SHANK1: variants seen among roughly 807,000 people sequenced by gnomAD.
The protein encoded by SHANK1 is SH3 and multiple ankyrin repeat domains 1, also known as SH3 and multiple ankyrin repeat domains protein 1.
SHANK1 carries 35 observed loss-of-function variants against 165.6 expected under a neutral mutation model. That is an observed-to-expected ratio of 0.21 (90% CI 0.16 to 0.28). The LOEUF (loss-of-function observed/expected upper bound fraction) is 0.28, where lower values mean the gene tolerates loss of function less well. SHANK1 is among the 10% of genes least tolerant of loss of function. SHANK1 has a pLI of 1.00. For missense variants in SHANK1, 2,681 were observed against 3,036.4 expected (o/e 0.88, Z 2.75); for synonymous variants, 1,428 against 1,384.8 (o/e 1.03, Z -0.69).
chr19:50,665,023 C>T (rs918179749), intron 23 of SHANK1, among the ~76,000 whole-genome samples: 4 of 152,208 alleles, frequency 2.6e-5, no homozygotes, highest in African/African-American at 9.7e-5. Context: ...TCCCAAAGTG[C>T]TGGGATTACA....
chr19:50,686,888 G>A lies in SHANK1; in HGVS notation c.2390-76C>T. ...GGAGCGGGCTCGGCCTGTGGGCGTG[G>A]CCAGCAGGTGCGGGCCAGTGGGCGT... On this transcript the variant is annotated intron_variant, in intron 19 of 23. Transcript: ENST00000293441. This position sits in a 1 kb window ranked among gnomAD's most constrained non-coding sequence, Gnocchi z 5.7. 1.3e-6 allele frequency: 2 copies of A among 1,557,552 alleles called. No individual in the cohort carries two copies. The highest frequency in any genetic ancestry group is 1.8e-6 in the Non-Finnish European group (2 of 1,141,254).
Position 50,671,476 on chromosome 19 carries a change from C to T in SHANK1, c.2674+542G>A, listed in dbSNP as rs574437733. Among the ~76,000 whole-genome samples the T allele has an allele frequency of 3.7e-4, 52 of 139,704 alleles. 1 individual carries two copies. Among genetic ancestry groups the T allele is most frequent in the African/African-American group, 1.5e-3 (50 of 34,282 alleles). 91.7% of individuals were successfully genotyped at this position (139,704 alleles called of 152,430 possible). On this transcript the variant is annotated intron_variant, in intron 22 of 23. Transcript: ENST00000293441. ...GGGATTACAGGCGTGAGCCGCTGCG[C>T]CCGGCCCACTCTTTTTTTTGTTTTC...
Position 50,668,381 on chromosome 19 carries a change from G to A in SHANK1, c.3579C>T (p.Gly1193=). 1.5e-6 allele frequency: 2 copies of A among 1,290,528 alleles called. No homozygotes were observed. The highest frequency in any genetic ancestry group is 3.1e-5 in the South Asian group (1 of 32,390). 79.9% of individuals were successfully genotyped at this position (1,290,528 alleles called of 1,614,324 possible). ...GGGCGGGGCTGGGCGAGGAGCCGCCGCCGCCGCCGCCTCCCGTGGGCTCCG... is the reference window on the plus strand; with the variant it reads ...GGGCGGGGCTGGGCGAGGAGCCGCCACCGCCGCCGCCTCCCGTGGGCTCCG... ...TQPEPTGGGG[G]GGSSPSPAPA... Residue 1193 remains glycine (G), a synonymous_variant, in exon 23 of 24, where the codon GGC becomes GGT. Coordinates refer to ENST00000293441, the MANE Select transcript of SHANK1 (RefSeq NM_016148.5).
At chr19:50,685,393 C>T (rs892067178) in intron 21 of SHANK1, among the ~76,000 whole-genome samples, 4 of 152,156 alleles carry the variant, frequency 2.6e-5, no homozygotes, top group Non-Finnish European at 4.4e-5. Flanking sequence ...CCTCGTGTAC[C>T]TCCCAGGATG....
chr19:50,709,296 G>C (rs897536594), intron 8 of SHANK1, among the ~76,000 whole-genome samples: 1 of 151,978 alleles, frequency 6.6e-6, no homozygotes, highest in African/African-American at 2.4e-5. Flanking sequence ...CCGCCACCAC[G>C]CCTGGCTAAC....
intron 21 of SHANK1, among the ~76,000 whole-genome samples, chr19:50,679,210 TTACA>T (rs1986091829): frequency 1.5e-5 from 2 of 135,562 alleles, no homozygotes; most frequent in African/African-American, 5.7e-5. Flanking sequence ...GGGGTCAGGG[TTACA>T]GGCAAGGGGT....
At position 50,688,139 on chromosome 19, in the gene SHANK1, C is replaced by T. The variant is rs1359707221; in HGVS notation, c.2173-81G>A. 3 of 1,538,124 alleles carry T rather than the reference C, an allele frequency of 2.0e-6. No individual in the cohort carries two copies. Among genetic ancestry groups the T allele is most frequent in the Admixed American group, 1.7e-5 (1 of 58,966 alleles). On this transcript the variant is annotated intron_variant, in intron 17 of 23. Transcript: ENST00000293441. This position sits in a 1 kb window ranked among gnomAD's most constrained non-coding sequence, Gnocchi z 6.7. ...AGCTTCAGAGACCCCAAGGAGGATGCCTCCTGCGCTGCCCTGTCCATGGCC... is the reference window on the plus strand; with the variant it reads ...AGCTTCAGAGACCCCAAGGAGGATGTCTCCTGCGCTGCCCTGTCCATGGCC...
At position 50,660,213 on chromosome 19, in the gene SHANK1, C is replaced by CGGGAATAAGCGGAGAGA. The variant is rs6146545; in HGVS notation, c.*1735_*1751dup. On this transcript the variant is annotated 3_prime_UTR_variant, in exon 24 of 24. Transcript: ENST00000293441. ...GGGGTGGCTTAACATTCCCAAGCCC[C>CGGGAATAAGCGGAGAGA]GGGAATAAGCGGAGAGAGGAAGCGT... Among the ~76,000 whole-genome samples, 53,266 of 150,968 alleles carry CGGGAATAAGCGGAGAGA rather than the reference C, an allele frequency of 0.35. 11,382 individuals are homozygous for CGGGAATAAGCGGAGAGA. Among genetic ancestry groups the CGGGAATAAGCGGAGAGA allele is most frequent in the Middle Eastern group, 0.5 (148 of 294 alleles).
At position 50,661,879 on chromosome 19, in the gene SHANK1, G is replaced by A; in HGVS notation, c.*86C>T. The A allele has an allele frequency of 6.9e-7, 1 of 1,459,640 alleles. No individual in the cohort carries two copies. The allele number at this position is 1,459,640 out of a possible 1,614,324, so 90.4% of individuals were successfully genotyped here. A position where few individuals can be genotyped will look rare whatever the true frequency, so the allele number is the denominator to read the frequency against. Reference sequence around the variant, plus strand: ...GTTTGAACAGAGTCCCTGGCCCGGGGAGAGAATGACAGTCAGGGGTCAGAG... The same window carrying A: ...GTTTGAACAGAGTCCCTGGCCCGGGAAGAGAATGACAGTCAGGGGTCAGAG... On this transcript the variant is annotated 3_prime_UTR_variant, in exon 24 of 24. Coordinates refer to ENST00000293441, the MANE Select transcript of SHANK1 (RefSeq NM_016148.5).
chr19:50,703,972 C>T, intron 10 of SHANK1, 142 bp from the exon 11 acceptor site: 1 of 841,152 alleles, frequency 1.2e-6, no homozygotes, highest in South Asian at 1.6e-5. Flanking sequence ...TGGAATTGCT[C>T]CCCCACCACC....
intron 8 of SHANK1, among the ~76,000 whole-genome samples, chr19:50,707,564 CTTTT>C (rs11291754): frequency 1.4e-5 from 2 of 142,248 alleles, no homozygotes; most frequent in Non-Finnish European, 3.1e-5. Flanking sequence ...CTTCTTCTTC[CTTTT>C]TTTTTTTTTT....
rs1307977463 is a variant in SHANK1, at chr19:50,666,874, T to G, written c.5086A>C (p.Thr1696Pro). 1.9e-6 allele frequency: 3 copies of G among 1,579,474 alleles called. No individual in the cohort carries two copies. Among genetic ancestry groups the G allele is most frequent in the Non-Finnish European group, 2.6e-6 (3 of 1,164,488 alleles). ...HPLETISSASTLSSLSAEGGG... is the reference protein window; with the variant it reads ...HPLETISSASPLSSLSAEGGG... ...CCTTCGGCAGATAGGCTGCTCAGCG[T>G]GGAGGCGCTGCTGATGGTCTCCAGT... is the stretch of plus-strand genomic sequence containing the variant. Residue 1696 changes from threonine (T) to proline (P), a missense_variant, in exon 23 of 24, where the codon ACG becomes CCG. Physicochemically the swap from Thr to Pro is conservative, Grantham distance 38. Coordinates refer to ENST00000293441, the MANE Select transcript of SHANK1 (RefSeq NM_016148.5).
At chr19:50,684,338 G>C (rs529654027) in intron 21 of SHANK1, among the ~76,000 whole-genome samples, 1 of 151,890 alleles carries the variant, frequency 6.6e-6, no homozygotes, top group Non-Finnish European at 1.5e-5. Flanking sequence ...CGATTCTCTC[G>C]CCTCAGCCTC....
At chr19:50,710,017 G>C (rs557407767) in intron 8 of SHANK1, among the ~76,000 whole-genome samples, 1 of 152,300 alleles carries the variant, frequency 6.6e-6, no homozygotes, top group Non-Finnish European at 1.5e-5. Flanking sequence ...TCGTCAATAA[G>C]AGCTGGCGTT....
At position 50,668,653 on chromosome 19, in the gene SHANK1, C is replaced by A; in HGVS notation, c.3307G>T (p.Gly1103Cys). 7.3e-7 allele frequency: 1 copy of A among 1,364,390 alleles called. No individual in the cohort carries two copies. Among genetic ancestry groups the A allele is most frequent in the Non-Finnish European group, 9.4e-7 (1 of 1,058,286 alleles). The allele number at this position is 1,364,390 out of a possible 1,614,324, so 84.5% of individuals were successfully genotyped here. Reference protein sequence around the residue: ...SAAMYVPARSGRGRKGPLVKQ... With the variant: ...SAAMYVPARSCRGRKGPLVKQ... ...ACCAGCGGGCCCTTGCGGCCGCGGC[C>A]CGAGCGGGCGGGCACGTACATGGCT... Residue 1103 changes from glycine (G) to cysteine (C), a missense_variant, in exon 23 of 24, where the codon GGC becomes TGC. Transcript: ENST00000293441.
intron 21 of SHANK1, among the ~76,000 whole-genome samples, chr19:50,685,204 T>G (rs2123124728): frequency 6.6e-6 from 1 of 152,144 alleles, no homozygotes; most frequent in South Asian, 2.1e-4. Flanking sequence ...GGGGGATGTG[T>G]TGGAGGGAAG....
intron 23 of SHANK1, among the ~76,000 whole-genome samples, chr19:50,665,860 C>A (rs1428395991): frequency 2.0e-5 from 3 of 149,752 alleles, no homozygotes; most frequent in Non-Finnish European, 3.0e-5. Context: ...ATGGAGAAAC[C>A]CCATCTCTAC....
chr19:50,685,678 T>C (rs1379966374), intron 21 of SHANK1, among the ~76,000 whole-genome samples: 1 of 152,064 alleles, frequency 6.6e-6, no homozygotes, highest in Non-Finnish European at 1.5e-5. Context: ...GAGCCAAGCT[T>C]GCCCCACTGC....
Position 50,702,418 on chromosome 19 carries a change from TC to T in SHANK1, c.1747+48del, listed in dbSNP as rs769395606. 91 of 1,517,738 alleles carry T rather than the reference TC, an allele frequency of 6.0e-5. No homozygotes were observed. In the African/African-American group the frequency reaches 1.1e-3, roughly 18 times the overall value. 94.0% of individuals were successfully genotyped at this position (1,517,738 alleles called of 1,614,324 possible). On this transcript the variant is annotated intron_variant, in intron 12 of 23. Coordinates refer to ENST00000293441, the MANE Select transcript of SHANK1 (RefSeq NM_016148.5). The surrounding 1 kb of genome is among the most constrained non-coding windows in gnomAD (Gnocchi z 5.3). ...GCTCTCTGCTCCACATTTTCCCTGA[TC>T]GCCCCCACAGCCCAGCCCAGCCCAG...
Sources: allele counts gnomAD v4.1 joint callset (sites outside exome capture counted in the v4.1 genomes callset), GRCh38; gene constraint gnomAD v4.1.1; non-coding constraint Gnocchi (gnomAD v3.1); transcripts MANE v1.5; gene names NCBI Gene and HGNC (gene_info 2026-07-23, HGNC 2026-07-21).